The following CSMD1 variants were observed in gnomAD, a reference collection of about 807,000 sequenced individuals.
The protein encoded by CSMD1 is CUB and Sushi multiple domains 1.
A neutral mutation model predicts 417.5 loss-of-function variants in CSMD1; 213 were observed. The ratio of observed to expected loss-of-function variants is 0.51; its 90% CI spans 0.46 to 0.57. The LOEUF is 0.57. Ranked by LOEUF, CSMD1 falls within the 20% of genes least tolerant of loss-of-function variation. The pLI, the probability that CSMD1 is intolerant of heterozygous loss-of-function variation, is 0.00. For synonymous variants in CSMD1, 2,862 were observed against 1,736.8 expected (o/e 1.65, Z -16.11); for missense variants, 6,923 against 4,529.7 (o/e 1.53, Z -15.17).
intron 3 of CSMD1, among the ~76,000 whole-genome samples, chr8:4,255,017 C>G (rs563025529): frequency 2.6e-5 from 4 of 152,324 alleles, no homozygotes; most frequent in African/African-American, 9.6e-5. Context: ...TTATTTTCAT[C>G]CAATCCCCTC....
intron 2 of CSMD1, among the ~76,000 whole-genome samples, chr8:4,573,603 G>T (rs180834655): frequency 6.6e-6 from 1 of 152,048 alleles, no homozygotes; most frequent in East Asian, 1.9e-4. Context: ...TGGGGGTCAG[G>T]GTCCCACTTG....
intron 5 of CSMD1, among the ~76,000 whole-genome samples, chr8:3,912,299 T>C (rs1030034803): frequency 1.3e-5 from 2 of 152,220 alleles, no homozygotes; most frequent in Non-Finnish European, 2.9e-5. Flanking sequence ...GAATATTTTA[T>C]ATTTTAGTGA....
At chr8:4,884,900 A>G (rs1478753292) in intron 1 of CSMD1, among the ~76,000 whole-genome samples, 1 of 152,082 alleles carries the variant, frequency 6.6e-6, no homozygotes, top group Non-Finnish European at 1.5e-5. Flanking sequence ...TTTTTGCAAC[A>G]TAGATATAGG....
At chr8:4,773,296 G>C (rs1361478957) in intron 1 of CSMD1, among the ~76,000 whole-genome samples, 8 of 152,184 alleles carry the variant, frequency 5.3e-5, no homozygotes. Context: ...CAAGCTAGCA[G>C]TTTGGTGTTT....
In CSMD1 at chr8:3,284,272, T is replaced by A. The variant is rs1380398506; in HGVS notation, c.4025A>T (p.Asp1342Val). The part of the protein sequence containing the change: ...LKVWDGPVDS[D>V]ILLKEWSGSA... ...GCCACTCCACTCCTTCAGCAGGATG[T>A]CACTGTCCACCGGCCCGTCCCAGAC... is the stretch of plus-strand genomic sequence containing the variant. Residue 1342 changes from aspartate (D) to valine (V), a missense_variant, in exon 26 of 70, where the codon GAC (aspartate) becomes GTC (valine). By Grantham distance (152) the Asp-to-Val change is radical. Coordinates refer to ENST00000635120, the MANE Select transcript of CSMD1 (RefSeq NM_033225.6). The A allele has an allele frequency of 1.9e-6, 3 of 1,613,912 alleles. No individual in the cohort carries two copies. The South Asian group carries it at 3.3e-5, about 18-fold the overall frequency.
intron 3 of CSMD1, among the ~76,000 whole-genome samples, chr8:4,197,794 G>T (rs374964591): frequency 1.3e-5 from 2 of 152,098 alleles, no homozygotes; most frequent in African/African-American, 4.8e-5. Flanking sequence ...TGGGAGGATT[G>T]CTTGAACCCA....
intron 3 of CSMD1, among the ~76,000 whole-genome samples, chr8:4,355,081 T>C (rs1269877042): frequency 6.6e-6 from 1 of 151,642 alleles, no homozygotes; most frequent in Non-Finnish European, 1.5e-5. Flanking sequence ...GCTAACATGG[T>C]GAAACCCCGT....
intron 3 of CSMD1, among the ~76,000 whole-genome samples, chr8:4,181,548 T>C (rs940866989): frequency 1.3e-5 from 2 of 152,154 alleles, no homozygotes; most frequent in African/African-American, 4.8e-5. Context: ...TTTATGAATT[T>C]GTGTTTGGCC....
At chr8:4,730,201 G>C (rs1322917491) in intron 1 of CSMD1, among the ~76,000 whole-genome samples, 2 of 151,820 alleles carry the variant, frequency 1.3e-5, no homozygotes, top group Non-Finnish European at 2.9e-5. Context: ...AAAAGAGGGA[G>C]ACAGAAGAAA....
intron 2 of CSMD1, among the ~76,000 whole-genome samples, chr8:4,470,618 G>T (rs139818138): frequency 4.6e-5 from 7 of 152,264 alleles, no homozygotes; most frequent in Non-Finnish European, 1.0e-4. Flanking sequence ...GCTCATAAAT[G>T]GCTTTCCTGT....
At chr8:4,807,023 C>G (rs1472083948) in intron 1 of CSMD1, among the ~76,000 whole-genome samples, 1 of 152,104 alleles carries the variant, frequency 6.6e-6, no homozygotes, top group Non-Finnish European at 1.5e-5. Context: ...TCTGGACTAC[C>G]TCATCATCTC....
chr8:4,907,713 T>C (rs995389842), intron 1 of CSMD1, among the ~76,000 whole-genome samples: 1 of 134,554 alleles, frequency 7.4e-6, no homozygotes, highest in African/African-American at 2.7e-5. Flanking sequence ...CACATGCCAC[T>C]ATCCCCGGCA....
intron 2 of CSMD1, among the ~76,000 whole-genome samples, chr8:4,480,509 G>C (rs964849474): frequency 5.3e-5 from 8 of 152,216 alleles, no homozygotes; most frequent in South Asian, 2.1e-4. Flanking sequence ...CAGATACTTG[G>C]TGGACGGAAA....
At chr8:3,494,159 T>C (rs1372994075) in intron 10 of CSMD1, among the ~76,000 whole-genome samples, 1 of 152,176 alleles carries the variant, frequency 6.6e-6, no homozygotes, top group Admixed American at 6.5e-5. Context: ...CATGGAATTA[T>C]CCATATTAGC....
At chr8:3,391,717 A>G (rs80008605) in intron 17 of CSMD1, among the ~76,000 whole-genome samples, 1,978 of 152,288 alleles carry the variant, frequency 0.013, 47 homozygotes, top group East Asian at 0.098. Context: ...AGTAGCTCAC[A>G]TTGCCTTGTA....
chr8:3,432,160 C>T (rs755752676), intron 12 of CSMD1, among the ~76,000 whole-genome samples: 1 of 152,110 alleles, frequency 6.6e-6, no homozygotes, highest in Non-Finnish European at 1.5e-5. Flanking sequence ...TTGGTAATAC[C>T]TGAACTTCTT....
intron 18 of CSMD1, among the ~76,000 whole-genome samples, chr8:3,378,444 A>G (rs1351811385): frequency 1.3e-5 from 2 of 152,170 alleles, no homozygotes; most frequent in African/African-American, 4.8e-5. Flanking sequence ...AGGCACAGCA[A>G]AAAAAGAAAA....
chr8:3,693,995 G>A (rs1325333758), intron 7 of CSMD1, among the ~76,000 whole-genome samples: 3 of 151,218 alleles, frequency 2.0e-5, no homozygotes, highest in Non-Finnish European at 4.4e-5. Context: ...GTTAGTGTGT[G>A]TGTGTTGTGT....
chr8:4,898,542 T>C (rs371809209), intron 1 of CSMD1, among the ~76,000 whole-genome samples: 53 of 152,346 alleles, frequency 3.5e-4, no homozygotes, highest in African/African-American at 1.2e-3. Flanking sequence ...TATGCCTCTG[T>C]TCTTTTAAAT....
Sources: gnomAD v4.1 joint callset for allele counts (sites outside exome capture counted in the v4.1 genomes callset) on GRCh38, gnomAD v4.1.1 for gene constraint, MANE v1.5 for transcripts, NCBI Gene and HGNC (gene_info 2026-07-23, HGNC 2026-07-21) for gene names.